Variants in SMIM10L1 observed in about 807,000 individuals in gnomAD.
SMIM10L1 encodes the protein small integral membrane protein 10 like 1.
In SMIM10L1, 6 loss-of-function variants were observed where a neutral mutation model predicts 4.5. That is an observed-to-expected ratio of 1.33 (90% CI 0.73 to 2.62). SMIM10L1 has a LOEUF of 2.62. SMIM10L1 is among the 30% of genes most tolerant of loss of function. The pLI is 0.00. For missense variants in SMIM10L1, 66 were observed against 86.2 expected (o/e 0.77, Z 0.93); for synonymous variants, 49 against 42.2 (o/e 1.16, Z -0.63).
Position 11,171,652 on chromosome 12 carries a change from C to A in SMIM10L1, c.*89C>A. ...GCGCGGCGGAGCAGCCAATGGCGAG[C>A]CCCACAGTCTCGCGAGAGTGCTCAG... On this transcript the variant is annotated 3_prime_UTR_variant, in exon 1 of 1. Transcript: ENST00000622602. The A allele has an allele frequency of 1.0e-6, 1 of 953,682 alleles. No individual in the cohort carries two copies. The highest frequency in any genetic ancestry group is 1.4e-6 in the Non-Finnish European group (1 of 734,050). 59.1% of individuals were successfully genotyped at this position (953,682 alleles called of 1,614,324 possible).
rs61928645 is a variant in SMIM10L1 at position 11,174,714 on chromosome 12, C to T, written c.*3151C>T. ...TTTTTTTTAATTCTGGGTAAAAATA[C>T]ATGTGATTACTTGACAAATAGCATA... On this transcript the variant is annotated 3_prime_UTR_variant, in exon 1 of 1. Transcript: ENST00000622602. The T allele has an allele frequency of 0.24, 35,856 of 150,094 alleles. 4,249 individuals carry two copies. Among genetic ancestry groups the T allele is most frequent in the Non-Finnish European group, 0.25 (16,683 of 67,418 alleles). The allele number at this position is 150,094 out of a possible 1,614,324, so 9.3% of individuals were successfully genotyped here. A position where few individuals can be genotyped will look rare whatever the true frequency, so the allele number is the denominator to read the frequency against.
rs1262056802 is a variant in SMIM10L1, at chr12:11,175,418, G to T, written c.*3855G>T. On this transcript the variant is annotated 3_prime_UTR_variant, in exon 1 of 1. Coordinates refer to ENST00000622602, the MANE Select transcript of SMIM10L1 (RefSeq NM_001271592.2). ...TTCTGGCAGGACATCAATAGCTTTT[G>T]ATAGCGTCAAGAAGAAAATAAAGTT... The T allele has an allele frequency of 6.6e-6, 1 of 152,156 alleles. No homozygotes were observed. Among genetic ancestry groups the T allele is most frequent in the African/African-American group, 2.4e-5 (1 of 41,432 alleles). The allele number at this position is 152,156 out of a possible 1,614,324, so 9.4% of individuals were successfully genotyped here.
chr12:11,171,670 G>GCGCC lies in SMIM10L1; in HGVS notation c.*107_*108insCGCC. The GCGCC allele has an allele frequency of 3.7e-6, 3 of 809,882 alleles. No homozygotes were observed. The highest frequency in any genetic ancestry group is 5.0e-6 in the Non-Finnish European group (3 of 602,784). 50.2% of individuals were successfully genotyped at this position (809,882 alleles called of 1,614,324 possible). A position where few individuals can be genotyped will look rare whatever the true frequency, so the allele number is the denominator to read the frequency against. On this transcript the variant is annotated 3_prime_UTR_variant, in exon 1 of 1. Coordinates refer to ENST00000622602, the MANE Select transcript of SMIM10L1 (RefSeq NM_001271592.2). ...TGGCGAGCCCCACAGTCTCGCGAGA[G>GCGCC]TGCTCAGGCGCTCTTCGTGGCTGCC...
Position 11,173,898 on chromosome 12 carries a change from CAT to C in SMIM10L1, c.*2341_*2342del, listed in dbSNP as rs887833461. 5 of 151,076 alleles carry C rather than the reference CAT, an allele frequency of 3.3e-5. No individual in the cohort carries two copies. Among genetic ancestry groups the C allele is most frequent in the African/African-American group, 7.3e-5 (3 of 41,108 alleles). 9.4% of individuals were successfully genotyped at this position (151,076 alleles called of 1,614,324 possible). A position where few individuals can be genotyped will look rare whatever the true frequency, so the allele number is the denominator to read the frequency against. Reference sequence around the variant, plus strand: ...ATATATACATATATATATACATACACATATATAAATTTAAGTAGTAACTATAT... The same window carrying C: ...ATATATACATATATATATACATACACATATAAATTTAAGTAGTAACTATAT... On this transcript the variant is annotated 3_prime_UTR_variant, in exon 1 of 1. Coordinates refer to ENST00000622602, the MANE Select transcript of SMIM10L1 (RefSeq NM_001271592.2).
chr12:11,174,796 G>A lies in SMIM10L1; in HGVS notation c.*3233G>A, dbSNP rs1328515176. 6.6e-6 allele frequency: 1 copy of A among 151,832 alleles called. No homozygotes were observed. The highest frequency in any genetic ancestry group is 1.5e-5 in the Non-Finnish European group (1 of 67,864). The allele number at this position is 151,832 out of a possible 1,614,324, so 9.4% of individuals were successfully genotyped here. On this transcript the variant is annotated 3_prime_UTR_variant, in exon 1 of 1. Transcript: ENST00000622602. ...TTGAGTTTTTAATACCAGGAACTAT[G>A]AAAAACTATTTATATACATGAGCTC...
Position 11,171,607 on chromosome 12 carries a change from G to C in SMIM10L1, c.*44G>C. 1.1e-5 allele frequency: 13 copies of C among 1,193,408 alleles called. No homozygotes were observed. Among genetic ancestry groups the C allele is most frequent in the African/African-American group, 1.6e-5 (1 of 63,828 alleles). The allele number at this position is 1,193,408 out of a possible 1,614,324, so 73.9% of individuals were successfully genotyped here. A position where few individuals can be genotyped will look rare whatever the true frequency, so the allele number is the denominator to read the frequency against. ...GGCCTCCGGGGCCAGCATGATGGCC[G>C]ACTCCCAGGGTCCGTTGCGGCGCGG... On this transcript the variant is annotated 3_prime_UTR_variant, in exon 1 of 1. Transcript: ENST00000622602.
rs780085322 is a variant in SMIM10L1, at chr12:11,172,605, G to C, written c.*1042G>C. 4 of 152,172 alleles carry C rather than the reference G, an allele frequency of 2.6e-5. No homozygotes were observed. The highest frequency in any genetic ancestry group is 5.9e-5 in the Non-Finnish European group (4 of 68,022). The allele number at this position is 152,172 out of a possible 1,614,324, so 9.4% of individuals were successfully genotyped here. A position where few individuals can be genotyped will look rare whatever the true frequency, so the allele number is the denominator to read the frequency against. On this transcript the variant is annotated 3_prime_UTR_variant, in exon 1 of 1. Transcript: ENST00000622602. ...TGGCTAAAGATGGAGAGCTCAGGTA[G>C]AATAGTTTAAAAAATGAAAATTGAT...
chr12:11,175,711 G>T lies in SMIM10L1; in HGVS notation c.*4148G>T, dbSNP rs1947937211. On this transcript the variant is annotated 3_prime_UTR_variant, in exon 1 of 1. Coordinates refer to ENST00000622602, the MANE Select transcript of SMIM10L1 (RefSeq NM_001271592.2). ...CTTGCAGTTTTAACACTTGTACTATGGTCTGAATGTGCCCCCCAAAAATTC... is the reference window on the plus strand; with the variant it reads ...CTTGCAGTTTTAACACTTGTACTATTGTCTGAATGTGCCCCCCAAAAATTC... 6.6e-6 allele frequency: 1 copy of T among 152,166 alleles called. No homozygotes were observed. Among genetic ancestry groups the T allele is most frequent in the African/African-American group, 2.4e-5 (1 of 41,402 alleles). 9.4% of individuals were successfully genotyped at this position (152,166 alleles called of 1,614,324 possible).
rs1947844227 is a variant in SMIM10L1, at chr12:11,171,521, G to A, written c.165G>A (p.Ala55=). ...LRMNFPYFYV[A]GSVILNIRLQ... Reference sequence around the variant, plus strand: ...TGAACTTCCCGTACTTCTACGTCGCGGGCTCGGTGATCCTCAACATCCGAT... The same window carrying A: ...TGAACTTCCCGTACTTCTACGTCGCAGGCTCGGTGATCCTCAACATCCGAT... Residue 55 remains alanine (A), a synonymous_variant, in exon 1 of 1, where the codon GCG becomes GCA. Transcript: ENST00000622602. 9 of 1,232,196 alleles carry A rather than the reference G, an allele frequency of 7.3e-6. No homozygotes were observed. Among genetic ancestry groups the A allele is most frequent in the African/African-American group, 6.2e-5 (4 of 64,414 alleles). The allele number at this position is 1,232,196 out of a possible 1,614,324, so 76.3% of individuals were successfully genotyped here.
rs756670860 is a variant in SMIM10L1 at position 11,172,592 on chromosome 12, G to A, written c.*1029G>A. 2.6e-5 allele frequency: 4 copies of A among 152,162 alleles called. No homozygotes were observed. Among genetic ancestry groups the A allele is most frequent in the Non-Finnish European group, 5.9e-5 (4 of 68,026 alleles). The allele number at this position is 152,162 out of a possible 1,614,324, so 9.4% of individuals were successfully genotyped here. ...AGTCAACAGGAAATGGCTAAAGATG[G>A]AGAGCTCAGGTAGAATAGTTTAAAA... is the stretch of plus-strand genomic sequence containing the variant. On this transcript the variant is annotated 3_prime_UTR_variant, in exon 1 of 1. Coordinates refer to ENST00000622602, the MANE Select transcript of SMIM10L1 (RefSeq NM_001271592.2).
rs967912633 is a variant in SMIM10L1 at position 11,173,032 on chromosome 12, T to A, written c.*1469T>A. The A allele has an allele frequency of 1.3e-5, 2 of 151,934 alleles. No homozygotes were observed. The highest frequency in any genetic ancestry group is 4.8e-5 in the African/African-American group (2 of 41,352). The allele number at this position is 151,934 out of a possible 1,614,324, so 9.4% of individuals were successfully genotyped here. ...ATAAATCACCAAGAGTGGTAAAGTT[T>A]TAAATCAAGATCTGATATAGAAAAG... is the stretch of plus-strand genomic sequence containing the variant. On this transcript the variant is annotated 3_prime_UTR_variant, in exon 1 of 1. Transcript: ENST00000622602.
rs867388252 is a variant in SMIM10L1, at chr12:11,171,648, C to G, written c.*85C>G. On this transcript the variant is annotated 3_prime_UTR_variant, in exon 1 of 1. Transcript: ENST00000622602. ...TGCGGCGCGGCGGAGCAGCCAATGG[C>G]GAGCCCCACAGTCTCGCGAGAGTGC... 1 of 983,924 alleles carries G rather than the reference C, an allele frequency of 1.0e-6. No individual in the cohort carries two copies. Among genetic ancestry groups the G allele is most frequent in the Admixed American group, 4.3e-5 (1 of 23,374 alleles). The allele number at this position is 983,924 out of a possible 1,614,324, so 60.9% of individuals were successfully genotyped here. A position where few individuals can be genotyped will look rare whatever the true frequency, so the allele number is the denominator to read the frequency against.
rs892366502 is a variant in SMIM10L1 at position 11,174,928 on chromosome 12, C to T, written c.*3365C>T. ...AAATTCCTAAGGTCATGATAACCAA[C>T]CAGACCTCAAATGAATCTCCAGTAA... On this transcript the variant is annotated 3_prime_UTR_variant, in exon 1 of 1. Transcript: ENST00000622602. 1 of 152,472 alleles carries T rather than the reference C, an allele frequency of 6.6e-6. No homozygotes were observed. Among genetic ancestry groups the T allele is most frequent in the Non-Finnish European group, 1.5e-5 (1 of 68,000 alleles). The allele number at this position is 152,472 out of a possible 1,614,324, so 9.4% of individuals were successfully genotyped here.
At position 11,171,821 on chromosome 12, in the gene SMIM10L1, C is replaced by T. The variant is rs1947860138; in HGVS notation, c.*258C>T. 3.0e-6 allele frequency: 1 copy of T among 334,642 alleles called. No individual in the cohort carries two copies. Among genetic ancestry groups the T allele is most frequent in the Non-Finnish European group, 5.4e-6 (1 of 185,722 alleles). The allele number at this position is 334,642 out of a possible 1,614,324, so 20.7% of individuals were successfully genotyped here. ...CGAAAACATCTAAGAAAGTGTGCAT[C>T]CTAAAACACCTGACGAATTTCAGAA... On this transcript the variant is annotated 3_prime_UTR_variant, in exon 1 of 1. Transcript: ENST00000622602.
rs1422628598 is a variant in SMIM10L1 at position 11,171,590 on chromosome 12, G to A, written c.*27G>A. On this transcript the variant is annotated 3_prime_UTR_variant, in exon 1 of 1. Coordinates refer to ENST00000622602, the MANE Select transcript of SMIM10L1 (RefSeq NM_001271592.2). ...GCCATGACTAAGCTAACGGCCTCCG[G>A]GGCCAGCATGATGGCCGACTCCCAG... 1.6e-5 allele frequency: 20 copies of A among 1,227,850 alleles called. No individual in the cohort carries two copies. Among genetic ancestry groups the A allele is most frequent in the East Asian group, 6.3e-5 (2 of 31,674 alleles). 76.1% of individuals were successfully genotyped at this position (1,227,850 alleles called of 1,614,324 possible).
rs1423445564 is a variant in SMIM10L1, at chr12:11,174,024, AC to A, written c.*2462del. ...CAATATATGCATAAAGTTACAGCTT[AC>A]ATTTACCTCGTAATATATGTATATA... is the stretch of plus-strand genomic sequence containing the variant. On this transcript the variant is annotated 3_prime_UTR_variant, in exon 1 of 1. Transcript: ENST00000622602. 9 of 149,734 alleles carry A rather than the reference AC, an allele frequency of 6.0e-5. No homozygotes were observed. The East Asian group carries it at 1.8e-3, about 29-fold the overall frequency. 9.3% of individuals were successfully genotyped at this position (149,734 alleles called of 1,614,324 possible).
chr12:11,174,666 G>A lies in SMIM10L1; in HGVS notation c.*3103G>A, dbSNP rs1947922316. 2 of 131,926 alleles carry A rather than the reference G, an allele frequency of 1.5e-5. No homozygotes were observed. Among genetic ancestry groups the A allele is most frequent in the Admixed American group, 1.7e-4 (2 of 11,964 alleles). 8.2% of individuals were successfully genotyped at this position (131,926 alleles called of 1,614,324 possible). ...GAACATAGCAACATATGTAACCTAAGGGATAGGGGAAAAGTTGTTTTTTTT... is the reference window on the plus strand; with the variant it reads ...GAACATAGCAACATATGTAACCTAAAGGATAGGGGAAAAGTTGTTTTTTTT... On this transcript the variant is annotated 3_prime_UTR_variant, in exon 1 of 1. Transcript: ENST00000622602.
In SMIM10L1 at chr12:11,171,556, A is replaced by C. The variant is rs1284016204; in HGVS notation, c.200A>C (p.His67Pro). Residue 67 changes from histidine (H) to proline (P), a missense_variant, in exon 1 of 1, where the codon CAT becomes CCT. By Grantham distance (77) the His-to-Pro change is moderately conservative. Coordinates refer to ENST00000622602, the MANE Select transcript of SMIM10L1 (RefSeq NM_001271592.2). Reference protein sequence around the residue: ...SVILNIRLQVHI With the variant: ...SVILNIRLQVPI Reference sequence around the variant, plus strand: ...ATCCTCAACATCCGATTGCAGGTACATATTTAGAGCCATGACTAAGCTAAC... The same window carrying C: ...ATCCTCAACATCCGATTGCAGGTACCTATTTAGAGCCATGACTAAGCTAAC... The C allele has an allele frequency of 8.1e-7, 1 of 1,232,086 alleles. No homozygotes were observed. The highest frequency in any genetic ancestry group is 1.0e-6 in the Non-Finnish European group (1 of 987,984). The allele number at this position is 1,232,086 out of a possible 1,614,324, so 76.3% of individuals were successfully genotyped here.
At position 11,172,003 on chromosome 12, in the gene SMIM10L1, G is replaced by A. The variant is rs1479044400; in HGVS notation, c.*440G>A. 6.5e-6 allele frequency: 1 copy of A among 152,684 alleles called. No individual in the cohort carries two copies. The highest frequency in any genetic ancestry group is 1.5e-5 in the Non-Finnish European group (1 of 68,478). The allele number at this position is 152,684 out of a possible 1,614,324, so 9.5% of individuals were successfully genotyped here. On this transcript the variant is annotated 3_prime_UTR_variant, in exon 1 of 1. Coordinates refer to ENST00000622602, the MANE Select transcript of SMIM10L1 (RefSeq NM_001271592.2). Reference sequence around the variant, plus strand: ...AGGTATTAAGGCTGTGATATAGAAGGTACATATTTCATCCCACAAGAGAAA... The same window carrying A: ...AGGTATTAAGGCTGTGATATAGAAGATACATATTTCATCCCACAAGAGAAA...
Sources: allele counts gnomAD v4.1 joint callset, GRCh38; gene constraint gnomAD v4.1.1; transcripts MANE v1.5; gene names NCBI Gene and HGNC (gene_info 2026-07-23, HGNC 2026-07-21).